The following TM4SF1 variants were observed in gnomAD, a reference collection of about 807,000 sequenced individuals.
TM4SF1 encodes transmembrane 4 L6 family member 1.
TM4SF1 carries 20 observed loss-of-function variants against 24.5 expected under a neutral mutation model. The ratio of observed to expected loss-of-function variants is 0.82; its 90% confidence interval spans 0.57 to 1.19. The LOEUF is 1.19. Among genes scored for constraint, TM4SF1 ranks in the 50% most tolerant of loss-of-function variants. The pLI, the probability that TM4SF1 is intolerant of heterozygous loss-of-function variation, is 0.00. For missense variants in TM4SF1, 258 were observed against 248.1 expected, an observed-to-expected ratio of 1.04 and a Z score of -0.27; for synonymous variants, 107 against 95.4, an observed-to-expected ratio of 1.12 and a Z score of -0.71.
rs1230548818 is a variant in TM4SF1 at position 149,369,058 on chromosome 3, G to C, written c.*808C>G. ...ACTTTATTTTGTTGTAAACAAGTTA[G>C]TTTTGAGGGTATTTCCTCGTGGTCC... On this transcript the variant is annotated 3_prime_UTR_variant, in exon 5 of 5. Transcript: ENST00000305366. The C allele has an allele frequency of 6.6e-6, 1 of 151,990 alleles. No homozygotes were observed. The highest frequency in any genetic ancestry group is 1.5e-5 in the Non-Finnish European group (1 of 68,016). The allele number at this position is 151,990 out of a possible 1,614,324, so 9.4% of individuals were successfully genotyped here. A position where few individuals can be genotyped will look rare whatever the true frequency, so the allele number is the denominator to read the frequency against.
At position 149,375,442 on chromosome 3, in the gene TM4SF1, C is replaced by G; in HGVS notation, c.413+1G>C. ...TAGCCATGTAGAGAGTAATTACATA[C>G]TGGCCCTCAGTGCTGGCAAAGGTGT... On this transcript the variant is annotated splice_donor_variant, in intron 3 of 4. Coordinates refer to ENST00000305366, the MANE Select transcript of TM4SF1 (RefSeq NM_014220.3). LOFTEE classifies it high-confidence loss of function. 2 of 1,614,050 alleles carry G rather than the reference C, an allele frequency of 1.2e-6. No homozygotes were observed. Among genetic ancestry groups the G allele is most frequent in the Non-Finnish European group, 1.7e-6 (2 of 1,179,982 alleles).
At chr3:149,374,916 A>T (rs1731911389) in intron 3 of TM4SF1, among the ~76,000 whole-genome samples, 1 of 152,234 alleles carries the variant, frequency 6.6e-6, no homozygotes. Flanking sequence ...CTATATGAAC[A>T]CAAACTCTAC....
intron 4 of TM4SF1, 33 bp from the exon 5 acceptor site, chr3:149,369,913 A>G (rs778762818): frequency 3.3e-5 from 53 of 1,593,290 alleles, no homozygotes; most frequent in Non-Finnish European, 3.9e-5. Flanking sequence ...TTAGGCTATA[A>G]TCAGGATAAA....
intron 2 of TM4SF1, 35 bp from the exon 3 acceptor site, chr3:149,375,623 A>G: frequency 6.2e-7 from 1 of 1,614,224 alleles, no homozygotes; most frequent in Non-Finnish European, 8.5e-7. Flanking sequence ...AGTGAGCCAC[A>G]GAGTGCCACA....
chr3:149,369,984 T>A, intron 4 of TM4SF1, 104 bp from the exon 5 acceptor site: 1 of 1,415,408 alleles, frequency 7.1e-7, no homozygotes, highest in Non-Finnish European at 9.6e-7. Context: ...AGACTGATCT[T>A]AGCTTCAGCA....
At chr3:149,369,923 A>G in intron 4 of TM4SF1, 43 bp from the exon 5 acceptor site, 1 of 1,586,212 alleles carries the variant, frequency 6.3e-7, no homozygotes, top group Non-Finnish European at 8.5e-7. Flanking sequence ...ATCAGGATAA[A>G]TAATGATGAC....
At chr3:149,377,298 CT>C in intron 1 of TM4SF1, 72 bp downstream of exon 1, 2 of 1,524,348 alleles carry the variant, frequency 1.3e-6, no homozygotes, top group South Asian at 2.7e-5. Flanking sequence ...TTACAAAAAA[CT>C]TTCCATGAAA....
At chr3:149,374,723 T>A (rs1440114945) in intron 3 of TM4SF1, among the ~76,000 whole-genome samples, 4 of 151,994 alleles carry the variant, frequency 2.6e-5, no homozygotes, top group Non-Finnish European at 5.9e-5. Context: ...TATGTGTATG[T>A]TTTATATGAG....
At position 149,371,823 on chromosome 3, in the gene TM4SF1, T is replaced by C; in HGVS notation, c.458A>G (p.Lys153Arg). 6.2e-7 allele frequency: 1 copy of C among 1,613,914 alleles called. No individual in the cohort carries two copies. The highest frequency in any genetic ancestry group is 8.5e-7 in the Non-Finnish European group (1 of 1,179,970). ...TSTWSECTEPKHIVEWNVSLF... is the reference protein window; with the variant it reads ...TSTWSECTEPRHIVEWNVSLF... ...AGATACATTCCATTCCACAATGTGC[T>C]TGGGTTCAGTGCACTCGGACCATGT... Residue 153 changes from lysine to arginine, a missense_variant, in exon 4 of 5, where the codon AAG becomes AGG. Coordinates refer to ENST00000305366, the MANE Select transcript of TM4SF1 (RefSeq NM_014220.3).
chr3:149,371,593 T>C, intron 4 of TM4SF1, 94 bp downstream of exon 4: 2 of 1,271,818 alleles, frequency 1.6e-6, no homozygotes, highest in Non-Finnish European at 2.3e-6. Context: ...TGCTGGTAGG[T>C]CGAGCATGTT....
Position 149,371,688 on chromosome 3 carries a change from T to C in TM4SF1, c.593A>G (p.Gln198Arg). 1 of 1,614,110 alleles carries C rather than the reference T, an allele frequency of 6.2e-7. No homozygotes were observed. Among genetic ancestry groups the C allele is most frequent in the Non-Finnish European group, 8.5e-7 (1 of 1,179,958 alleles). The change falls in exon 4 of 5, where the codon CAG becomes CGG. Residue 198 changes from glutamine (Q) to arginine (R), a missense_variant and splice_region_variant. Gln to Arg is a conservative substitution (Grantham distance 43, BLOSUM62 1). Transcript: ENST00000305366. Reference sequence around the variant, plus strand: ...CGACATTTTCATGCAGGTTCTTACCTGTTGGTGAGAGCAGCAAAAGCCACA... The same window carrying C: ...CGACATTTTCATGCAGGTTCTTACCCGTTGGTGAGAGCAGCAAAAGCCACA... ...GICGFCCSHQ[Q>R]QYDC
intron 3 of TM4SF1, 144 bp downstream of exon 3, chr3:149,375,298 TA>T (rs1731920068): frequency 9.8e-7 from 1 of 1,023,010 alleles, no homozygotes; most frequent in Non-Finnish European, 1.4e-6. Context: ...ACCTATTGCC[TA>T]AACCATGCCT....
intron 3 of TM4SF1, among the ~76,000 whole-genome samples, chr3:149,375,104 C>G (rs1430813255): frequency 1.3e-5 from 2 of 152,040 alleles, no homozygotes; most frequent in Admixed American, 6.5e-5. Flanking sequence ...ATTTGGGAAG[C>G]TGAGGAAGGG....
In TM4SF1 at chr3:149,369,578, T is replaced by G. The variant is rs892873200; in HGVS notation, c.*288A>C. On this transcript the variant is annotated 3_prime_UTR_variant, in exon 5 of 5. Transcript: ENST00000305366. Reference sequence around the variant, plus strand: ...TTTTTATCCAAAACATTATAGAGTTTATCTCAGATATACTGAGTACTGTCA... The same window carrying G: ...TTTTTATCCAAAACATTATAGAGTTGATCTCAGATATACTGAGTACTGTCA... The G allele has an allele frequency of 1.2e-5, 4 of 327,636 alleles. No individual in the cohort carries two copies. The highest frequency in any genetic ancestry group is 8.8e-5 in the African/African-American group (4 of 45,422). The allele number at this position is 327,636 out of a possible 1,614,324, so 20.3% of individuals were successfully genotyped here.
At position 149,377,482 on chromosome 3, in the gene TM4SF1, G is replaced by A. The variant is rs759268146; in HGVS notation, c.66C>T (p.Ile22=). Reference sequence around the variant, plus strand: ...GAAAGTAAAGCAAAATATTAGCCGCGATGCACAGGAGGGCGAGCCCCACCA... The same window carrying A: ...GAAAGTAAAGCAAAATATTAGCCGCAATGCACAGGAGGGCGAGCCCCACCA... ...HSLVGLALLC[I]AANILLYFPN... The change falls in exon 1 of 5, where the codon ATC becomes ATT. Residue 22 remains isoleucine (I), a synonymous_variant. Coordinates refer to ENST00000305366, the MANE Select transcript of TM4SF1 (RefSeq NM_014220.3). The A allele has an allele frequency of 9.3e-6, 15 of 1,614,120 alleles. No individual in the cohort carries two copies. Among genetic ancestry groups the A allele is most frequent in the South Asian group, 8.8e-5 (8 of 91,060 alleles).
intron 1 of TM4SF1, 27 bp downstream of exon 1, chr3:149,377,344 A>G: frequency 6.3e-7 from 1 of 1,596,106 alleles, no homozygotes; most frequent in Non-Finnish European, 8.5e-7. Context: ...ACAGGAGAGA[A>G]TTCAGTAATA....
intron 3 of TM4SF1, among the ~76,000 whole-genome samples, 173 bp downstream of exon 3, chr3:149,375,270 G>A (rs768241999): frequency 3.3e-5 from 5 of 152,172 alleles, no homozygotes; most frequent in African/African-American, 9.7e-5. Context: ...GTCGGGGACT[G>A]GGGATCCATC....
At chr3:149,376,180 T>G (rs1256260581) in intron 1 of TM4SF1, among the ~76,000 whole-genome samples, 1 of 152,244 alleles carries the variant, frequency 6.6e-6, no homozygotes, top group Non-Finnish European at 1.5e-5. Context: ...AACTTTTTTG[T>G]AAATGGGAGA....
intron 3 of TM4SF1, among the ~76,000 whole-genome samples, chr3:149,372,550 A>T (rs1277445569): frequency 6.6e-6 from 1 of 152,156 alleles, no homozygotes. Flanking sequence ...GAACAAAGCT[A>T]TTTTTTGTTT....
Sources: allele counts gnomAD v4.1 joint callset (sites outside exome capture counted in the v4.1 genomes callset), GRCh38; gene constraint gnomAD v4.1.1; transcripts MANE v1.5; gene names NCBI Gene and HGNC (gene_info 2026-07-23, HGNC 2026-07-21).